MRPS27: variants seen among roughly 807,000 people sequenced by gnomAD.
The protein encoded by MRPS27 is mitochondrial ribosomal protein S27, also known as small ribosomal subunit protein mS27.
MRPS27 carries 43 observed loss-of-function variants against 48.9 expected under a neutral mutation model. The ratio of observed to expected loss-of-function variants is 0.88; its 90% confidence interval spans 0.69 to 1.13. MRPS27 has a LOEUF of 1.13. MRPS27 is among the 50% of genes most tolerant of loss of function. The pLI is 0.00. For synonymous variants in MRPS27, 188 were observed against 171.9 expected (o/e 1.09, Z -0.73); for missense variants, 467 against 476.3 (o/e 0.98, Z 0.18).
At chr5:72,308,232 C>T (rs772194207) in intron 2 of MRPS27, among the ~76,000 whole-genome samples, 24 of 152,222 alleles carry the variant, frequency 1.6e-4, no homozygotes, top group Non-Finnish European at 2.6e-4. Flanking sequence ...GAGGGGGCAC[C>T]GGAACCGCAA....
At chr5:72,282,052 A>G (rs1370832643) in intron 4 of MRPS27, among the ~76,000 whole-genome samples, 1 of 152,228 alleles carries the variant, frequency 6.6e-6, no homozygotes, top group African/African-American at 2.4e-5. Flanking sequence ...CTATTAAAAA[A>G]ACAGAATAGA....
chr5:72,259,635 T>C (rs1374467087), intron 4 of MRPS27, among the ~76,000 whole-genome samples: 1 of 152,144 alleles, frequency 6.6e-6, no homozygotes, highest in Non-Finnish European at 1.5e-5. Flanking sequence ...TCACTTGGAT[T>C]CTCACCATCC....
At chr5:72,228,148 C>T (rs775295338) in intron 8 of MRPS27, 118 bp downstream of exon 8, 40 of 878,566 alleles carry the variant, frequency 4.6e-5, no homozygotes, top group South Asian at 8.0e-5. Flanking sequence ...TGTCTAAAAA[C>T]GAAGGCTAAT....
intron 4 of MRPS27, among the ~76,000 whole-genome samples, chr5:72,272,782 A>G (rs1749280063): frequency 6.6e-6 from 1 of 152,206 alleles, no homozygotes; most frequent in Non-Finnish European, 1.5e-5. Flanking sequence ...AGCAACGACT[A>G]CAACAGAAAC....
At chr5:72,236,214 A>G (rs373919445) in intron 5 of MRPS27, among the ~76,000 whole-genome samples, 181 of 152,262 alleles carry the variant, frequency 1.2e-3, no homozygotes, top group African/African-American at 4.1e-3. Flanking sequence ...TAGACAGATC[A>G]ATTAAACTAG....
At chr5:72,290,489 T>C (rs1246855525) in intron 4 of MRPS27, among the ~76,000 whole-genome samples, 2 of 152,160 alleles carry the variant, frequency 1.3e-5, no homozygotes, top group African/African-American at 2.4e-5. Context: ...TTTTATAGCA[T>C]TGCCCCACTG....
chr5:72,248,216 C>T (rs1329303630), intron 4 of MRPS27, among the ~76,000 whole-genome samples: 1 of 152,102 alleles, frequency 6.6e-6, no homozygotes, highest in African/African-American at 2.4e-5. Context: ...ACAAAATATG[C>T]TAAGAAAATT....
intron 4 of MRPS27, among the ~76,000 whole-genome samples, chr5:72,261,640 G>C (rs1748980867): frequency 6.6e-6 from 1 of 152,174 alleles, no homozygotes. Context: ...AGAAGCAATG[G>C]CTGATACTTA....
At chr5:72,238,216 T>G (rs958808636) in intron 4 of MRPS27, 88 bp from the exon 5 acceptor site, 2 of 826,484 alleles carry the variant, frequency 2.4e-6, no homozygotes, top group African/African-American at 3.4e-5. Context: ...TCTTAGATAC[T>G]TACAGAGTGC....
intron 8 of MRPS27, 141 bp from the exon 9 acceptor site, chr5:72,226,340 C>T (rs1747896866): frequency 1.1e-6 from 1 of 939,814 alleles, no homozygotes; most frequent in Non-Finnish European, 1.6e-6. Context: ...TACCAACAGA[C>T]TCATCTCATT....
At chr5:72,255,020 ATTTCT>A (rs1451368942) in intron 4 of MRPS27, among the ~76,000 whole-genome samples, 1 of 125,820 alleles carries the variant, frequency 7.9e-6, no homozygotes, top group Admixed American at 8.4e-5. Flanking sequence ...AATGTAACAC[ATTTCT>A]TTTCTTTTTT....
At chr5:72,313,835 G>T (rs990722035) in intron 2 of MRPS27, among the ~76,000 whole-genome samples, 2 of 152,172 alleles carry the variant, frequency 1.3e-5, no homozygotes, top group African/African-American at 4.8e-5. Flanking sequence ...ACAAAAAACA[G>T]AAGAAAGGAA....
At chr5:72,243,730 C>T (rs1160257168) in intron 4 of MRPS27, among the ~76,000 whole-genome samples, 1 of 152,194 alleles carries the variant, frequency 6.6e-6, no homozygotes, top group East Asian at 1.9e-4. Context: ...AACGAATTCA[C>T]TATCTACCTT....
intron 4 of MRPS27, among the ~76,000 whole-genome samples, chr5:72,264,997 A>T (rs1022568987): frequency 6.6e-6 from 1 of 152,230 alleles, no homozygotes; most frequent in Non-Finnish European, 1.5e-5. Flanking sequence ...TGAACTTCAG[A>T]GTACTTCTAT....
chr5:72,298,712 C>CAAAAAA (rs1259668404), intron 2 of MRPS27, among the ~76,000 whole-genome samples: 13 of 30,566 alleles, frequency 4.3e-4, no homozygotes, highest in African/African-American at 6.3e-4. Flanking sequence ...GACTCCGTCT[C>CAAAAAA]AAAAAAAAAA....
chr5:72,242,746 G>A (rs1430494090), intron 4 of MRPS27, among the ~76,000 whole-genome samples: 1 of 150,640 alleles, frequency 6.6e-6, no homozygotes, highest in East Asian at 1.9e-4. Flanking sequence ...CAAAAATAGG[G>A]GGGAAAAAAA....
Position 72,220,861 on chromosome 5 carries a change from G to A in MRPS27, c.*48C>T. 1 of 1,608,818 alleles carries A rather than the reference G, an allele frequency of 6.2e-7. No individual in the cohort carries two copies. The highest frequency in any genetic ancestry group is 8.5e-7 in the Non-Finnish European group (1 of 1,177,676). On this transcript the variant is annotated 3_prime_UTR_variant, in exon 11 of 11. Coordinates refer to ENST00000261413, the MANE Select transcript of MRPS27 (RefSeq NM_015084.3). Reference sequence around the variant, plus strand: ...CAGGCCACTGCTGAGTCCTGGCACGGGGTTGAGTGAAGTTCTTGTGAGACA... The same window carrying A: ...CAGGCCACTGCTGAGTCCTGGCACGAGGTTGAGTGAAGTTCTTGTGAGACA...
At chr5:72,238,720 T>C (rs1410891925) in intron 4 of MRPS27, among the ~76,000 whole-genome samples, 3 of 152,206 alleles carry the variant, frequency 2.0e-5, no homozygotes, top group Admixed American at 6.5e-5. Flanking sequence ...AGTTCCATTG[T>C]AGCTCATCAG....
chr5:72,225,610 C>T (rs1318795180), intron 9 of MRPS27, among the ~76,000 whole-genome samples: 4 of 152,216 alleles, frequency 2.6e-5, no homozygotes, highest in Admixed American at 6.5e-5. Context: ...ATCAGCATCA[C>T]ACATTCACAC....
Sources: allele counts gnomAD v4.1 joint callset (sites outside exome capture counted in the v4.1 genomes callset), GRCh38; gene constraint gnomAD v4.1.1; transcripts MANE v1.5; gene names NCBI Gene and HGNC (gene_info 2026-07-23, HGNC 2026-07-21).